Variants in FAR2 observed in about 807,000 individuals in gnomAD.
FAR2 encodes the protein fatty acyl-CoA reductase 2, also known as epididymis secretory protein Li 81.
FAR2 carries 19 observed loss-of-function variants against 56.0 expected under a neutral mutation model. The observed-to-expected ratio is 0.34, with a 90% CI of 0.24 to 0.50. FAR2 has a LOEUF of 0.50. Among genes scored for constraint, FAR2 ranks in the 20% least tolerant of loss-of-function variants. The probability of loss-of-function intolerance (pLI) is 0.98; values close to 1 mark genes in which losing one functional copy is unlikely to be tolerated. For missense variants in FAR2, 508 were observed against 642.2 expected (o/e 0.79, Z 2.26); for synonymous variants, 219 against 218.8 (o/e 1.00, Z -0.01).
rs375834480 is a variant in FAR2, at chr12:29,293,131, T to G, written c.190-169T>G. 31 of 483,512 alleles carry G rather than the reference T, an allele frequency of 6.4e-5. No individual in the cohort carries two copies. The highest frequency in any genetic ancestry group is 6.0e-4 in the East Asian group (16 of 26,742). The allele number at this position is 483,512 out of a possible 1,614,324, so 30.0% of individuals were successfully genotyped here. ...ATCTCCCTGCTTTGGCTTCCCAAAGTGCTGAGATTACAGGCATATGCCACC... is the reference window on the plus strand; with the variant it reads ...ATCTCCCTGCTTTGGCTTCCCAAAGGGCTGAGATTACAGGCATATGCCACC... On this transcript the variant is annotated intron_variant, in intron 2 of 11. Coordinates refer to ENST00000536681, the MANE Select transcript of FAR2 (RefSeq NM_001271783.2).
chr12:29,291,306 T>C (rs544495763), intron 2 of FAR2: 1 of 443,108 alleles, frequency 2.3e-6, no homozygotes, highest in East Asian at 7.0e-5. Context: ...GCAGAGGCGG[T>C]TAAGAAATAC....
chr12:29,246,529 G>A (rs1338006390), intron 1 of FAR2, among the ~76,000 whole-genome samples: 2 of 152,158 alleles, frequency 1.3e-5, no homozygotes, highest in African/African-American at 2.4e-5. Context: ...ACTTTAGATC[G>A]ATAAACAAAA....
chr12:29,260,483 T>C lies in FAR2; in HGVS notation c.-38-9929T>C, dbSNP rs185128632. 3.3e-5 allele frequency among the ~76,000 whole-genome samples: 5 copies of C among 152,212 alleles called. No homozygotes were observed. The East Asian group carries it at 9.7e-4, about 29-fold the overall frequency. On this transcript the variant is annotated intron_variant, in intron 1 of 11. Transcript: ENST00000536681. Reference sequence around the variant, plus strand: ...GCACTCAGTGTACTCTGCCACAGGATTTATTGTGTTTGGGAAATATTTGGA... The same window carrying C: ...GCACTCAGTGTACTCTGCCACAGGACTTATTGTGTTTGGGAAATATTTGGA...
intron 1 of FAR2, among the ~76,000 whole-genome samples, chr12:29,233,428 C>G (rs912671474): frequency 1.3e-5 from 2 of 152,138 alleles, no homozygotes; most frequent in Non-Finnish European, 2.9e-5. Flanking sequence ...AATTTCCATA[C>G]CATTTTCAGC....
intron 1 of FAR2, among the ~76,000 whole-genome samples, chr12:29,237,982 A>T (rs1213900341): frequency 6.6e-6 from 1 of 152,192 alleles, no homozygotes; most frequent in African/African-American, 2.4e-5. Flanking sequence ...ATGTTAAAAC[A>T]TTATGCATGG....
chr12:29,170,604 T>A (rs1469181548), intron 1 of FAR2, among the ~76,000 whole-genome samples: 1 of 152,196 alleles, frequency 6.6e-6, no homozygotes, highest in Admixed American at 6.5e-5. Context: ...TCCCTCTTTG[T>A]CTGTTTCTTC....
chr12:29,182,475 G>T (rs535730498), intron 1 of FAR2, among the ~76,000 whole-genome samples: 3 of 152,222 alleles, frequency 2.0e-5, no homozygotes, highest in Admixed American at 1.3e-4. Context: ...AGTGCTGATT[G>T]GTGCGTTTAC....
At chr12:29,300,356 C>G (rs895071354) in intron 4 of FAR2, among the ~76,000 whole-genome samples, 1 of 152,160 alleles carries the variant, frequency 6.6e-6, no homozygotes, top group Admixed American at 6.5e-5. Context: ...ACCAACTATA[C>G]CATGATCTAC....
chr12:29,208,742 T>C (rs1380139291), intron 1 of FAR2, among the ~76,000 whole-genome samples: 1 of 152,078 alleles, frequency 6.6e-6, no homozygotes, highest in Non-Finnish European at 1.5e-5. Context: ...AATGCTAAAG[T>C]GAGAGATGTT....
chr12:29,181,728 A>G (rs535656276), intron 1 of FAR2, among the ~76,000 whole-genome samples: 7 of 152,368 alleles, frequency 4.6e-5, no homozygotes, highest in African/African-American at 1.7e-4. Context: ...TCTGCCTTTC[A>G]GGCAATTCAC....
chr12:29,151,047 A>G (rs1442864538), intron 1 of FAR2, among the ~76,000 whole-genome samples: 1 of 152,222 alleles, frequency 6.6e-6, no homozygotes, highest in African/African-American at 2.4e-5. Flanking sequence ...AAAGCATATG[A>G]TCATCTTGAC....
chr12:29,229,333 A>G lies in FAR2; in HGVS notation c.-38-41079A>G, dbSNP rs2136649160. 1.3e-5 allele frequency among the ~76,000 whole-genome samples: 2 copies of G among 152,322 alleles called. 1 individual carries two copies. On this transcript the variant is annotated intron_variant, in intron 1 of 11. Coordinates refer to ENST00000536681, the MANE Select transcript of FAR2 (RefSeq NM_001271783.2). ...TCTGCAGGTGACTGAGATGGGAATC[A>G]TTATTCTAGCACTCCTGCTTTAAAT... is the stretch of plus-strand genomic sequence containing the variant.
intron 4 of FAR2, among the ~76,000 whole-genome samples, chr12:29,302,848 G>A (rs1413122603): frequency 1.3e-5 from 2 of 152,120 alleles, no homozygotes; most frequent in Non-Finnish European, 2.9e-5. Flanking sequence ...AGACTAGAAT[G>A]AGGGTGAGGC....
chr12:29,265,299 A>G (rs116532375), intron 1 of FAR2, among the ~76,000 whole-genome samples: 195 of 152,356 alleles, frequency 1.3e-3, no homozygotes, highest in African/African-American at 4.6e-3. Flanking sequence ...ACTGTAAGCA[A>G]CACAACATGC....
At chr12:29,178,070 G>C (rs1022947819) in intron 1 of FAR2, among the ~76,000 whole-genome samples, 1 of 151,898 alleles carries the variant, frequency 6.6e-6, no homozygotes. Flanking sequence ...CACACTCCTG[G>C]TCTGCTACAT....
intron 1 of FAR2, among the ~76,000 whole-genome samples, chr12:29,179,852 C>A (rs1949976113): frequency 6.6e-6 from 1 of 152,024 alleles, no homozygotes; most frequent in Admixed American, 6.6e-5. Context: ...ATAATATGGG[C>A]CATTTTCTCT....
At chr12:29,285,814 G>C (rs1948865903) in intron 2 of FAR2, among the ~76,000 whole-genome samples, 1 of 152,102 alleles carries the variant, frequency 6.6e-6, no homozygotes, top group African/African-American at 2.4e-5. Flanking sequence ...AGCTACTTGG[G>C]AGGCTGACGC....
intron 1 of FAR2, among the ~76,000 whole-genome samples, chr12:29,182,098 G>A (rs1280704839): frequency 1.3e-5 from 2 of 152,204 alleles, no homozygotes; most frequent in Admixed American, 6.5e-5. Flanking sequence ...ATTGTGTGCA[G>A]AGTTGGTTCC....
At chr12:29,215,298 G>T (rs183239754) in intron 1 of FAR2, among the ~76,000 whole-genome samples, 9 of 152,242 alleles carry the variant, frequency 5.9e-5, no homozygotes, top group South Asian at 4.1e-4. Flanking sequence ...TCATGCTTTT[G>T]TCTTGTATGT....
Sources: allele counts gnomAD v4.1 joint callset (sites outside exome capture counted in the v4.1 genomes callset), GRCh38; gene constraint gnomAD v4.1.1; transcripts MANE v1.5; gene names NCBI Gene and HGNC (gene_info 2026-07-23, HGNC 2026-07-21).